Variants in AFF1 observed in about 807,000 individuals in gnomAD.
AFF1 encodes AF4/FMR2 family member 1.
Under a neutral mutation model 121.7 loss-of-function variants are expected in AFF1, and 48 were observed. The observed-to-expected ratio is 0.39, with a 90% CI of 0.31 to 0.50. The LOEUF (loss-of-function observed/expected upper bound fraction) is 0.50. Among genes scored for constraint, AFF1 ranks in the 20% least tolerant of loss-of-function variants. The pLI, the probability that AFF1 is intolerant of heterozygous loss-of-function variation, is 0.76. For synonymous variants in AFF1, 613 were observed against 563.0 expected (o/e 1.09, Z -1.26); for missense variants, 1,523 against 1,511.7 (o/e 1.01, Z -0.12).
intron 2 of AFF1, among the ~76,000 whole-genome samples, chr4:86,991,341 A>T (rs1724691010): frequency 6.6e-6 from 1 of 151,940 alleles, no homozygotes; most frequent in South Asian, 2.1e-4. Context: ...GCTACTCGGG[A>T]GGCTGAGGCA....
At chr4:87,007,103 G>GCCGGGGGCGCTCGCTTGCC in intron 2 of AFF1, 1 of 1,257,608 alleles carries the variant, frequency 8.0e-7, no homozygotes, top group Non-Finnish European at 1.0e-6. Context: ...CAGAAACTGC[G>GCCGGGGGCGCTCGCTTGCC]CCGGGGGCGC....
At chr4:87,035,653 A>G (rs113422208) in intron 2 of AFF1, among the ~76,000 whole-genome samples, 1 of 152,244 alleles carries the variant, frequency 6.6e-6, no homozygotes, top group South Asian at 2.1e-4. Flanking sequence ...GATCAGGTTT[A>G]TGATTTTTAG....
intron 13 of AFF1, 89 bp from the exon 14 acceptor site, chr4:87,126,010 T>C (rs558626532): frequency 2.3e-6 from 3 of 1,314,812 alleles, no homozygotes; most frequent in South Asian, 1.3e-5. Context: ...CCCTACTCTT[T>C]TGTGCCAGCA....
intron 2 of AFF1, among the ~76,000 whole-genome samples, chr4:87,018,730 A>G (rs1727596082): frequency 1.3e-5 from 2 of 152,238 alleles, no homozygotes; most frequent in Admixed American, 1.3e-4. Flanking sequence ...TTTTTAATTT[A>G]TTTTAATAAA....
intron 5 of AFF1, among the ~76,000 whole-genome samples, chr4:87,085,889 C>G (rs1000693053): frequency 2.0e-5 from 3 of 152,044 alleles, no homozygotes; most frequent in Admixed American, 6.6e-5. Flanking sequence ...CAGGTGTGCG[C>G]CAGTACGCCC....
At chr4:87,111,748 T>C (rs1726560777) in intron 11 of AFF1, among the ~76,000 whole-genome samples, 1 of 152,216 alleles carries the variant, frequency 6.6e-6, no homozygotes, top group Non-Finnish European at 1.5e-5. Flanking sequence ...CAACTTAATA[T>C]TGGGTATACA....
intron 2 of AFF1, among the ~76,000 whole-genome samples, chr4:86,962,048 G>A (rs1722188429): frequency 6.6e-6 from 1 of 151,928 alleles, no homozygotes. Flanking sequence ...TTTTTAAAAT[G>A]TGTTCCTCAA....
intron 1 of AFF1, among the ~76,000 whole-genome samples, chr4:86,945,450 G>T (rs1164620905): frequency 7.1e-6 from 1 of 141,526 alleles, no homozygotes; most frequent in Non-Finnish European, 1.5e-5. Flanking sequence ...TTAGCCTTTT[G>T]AGTAGCTGGG....
Position 87,111,005 on chromosome 4 carries a change from T to TATTTTATTTTA in AFF1, c.1533+2690_1533+2691insATTTTATTTTA, listed in dbSNP as rs1560635323. The stretch of plus-strand genomic sequence containing the variant: ...TTTATCTACTTAAACTTTATTTTTT[T>TATTTTATTTTA]TTTTTTATTTTTTTTTTTTTGAGAC... On this transcript the variant is annotated intron_variant, in intron 11 of 20. Transcript: ENST00000395146. Among the ~76,000 whole-genome samples, 159 of 25,294 alleles carry TATTTTATTTTA rather than the reference T, an allele frequency of 6.3e-3. 36 individuals are homozygous for TATTTTATTTTA. The highest frequency in any genetic ancestry group is 0.021 in the African/African-American group (156 of 7,390). The allele number at this position is 25,294 out of a possible 152,430, so 16.6% of individuals were successfully genotyped here.
At chr4:87,117,543 A>C (rs1727250833) in intron 12 of AFF1, among the ~76,000 whole-genome samples, 1 of 152,208 alleles carries the variant, frequency 6.6e-6, no homozygotes, top group East Asian at 1.9e-4. Flanking sequence ...TCAGGGCTGG[A>C]AACCACTGAA....
intron 2 of AFF1, among the ~76,000 whole-genome samples, chr4:87,017,611 A>G (rs1421636793): frequency 6.6e-6 from 1 of 152,240 alleles, no homozygotes; most frequent in African/African-American, 2.4e-5. Flanking sequence ...TTTATTTTAT[A>G]ATTGCAAAAT....
At chr4:87,063,868 G>C (rs771927847) in intron 4 of AFF1, among the ~76,000 whole-genome samples, 2 of 152,204 alleles carry the variant, frequency 1.3e-5, no homozygotes, top group Non-Finnish European at 2.9e-5. Context: ...AGTCTGTATA[G>C]ATGTTACAGC....
rs368444200 is a variant in AFF1 at position 87,131,222 on chromosome 4, A to G, written c.3101+3A>G. ...TCAGAAACTGTAGATCTCATTAAGTAAGTGCCGAGTCATTGTGCTTTCCTC... is the reference window on the plus strand; with the variant it reads ...TCAGAAACTGTAGATCTCATTAAGTGAGTGCCGAGTCATTGTGCTTTCCTC... On this transcript the variant is annotated splice_donor_region_variant and intron_variant, in intron 17 of 20. Coordinates refer to ENST00000395146, the MANE Select transcript of AFF1 (RefSeq NM_001166693.3). 74 of 1,613,980 alleles carry G rather than the reference A, an allele frequency of 4.6e-5. 1 individual carries two copies. In the African/African-American group the frequency reaches 7.5e-4, roughly 16 times the overall value.
At position 87,072,914 on chromosome 4, in the gene AFF1, C is replaced by T. The variant is rs116736391; in HGVS notation, c.1060-11206C>T. 6.9e-3 allele frequency among the ~76,000 whole-genome samples: 1,055 copies of T among 152,058 alleles called. 13 individuals are homozygous for T. Among genetic ancestry groups the T allele is most frequent in the African/African-American group, 0.024 (1,000 of 41,460 alleles). On this transcript the variant is annotated intron_variant, in intron 4 of 20. Transcript: ENST00000395146. ...CAAACTTTTGTATTAAATATATTTT[C>T]GCTTTCACCAGATCAGTAAATCAGT...
intron 2 of AFF1, among the ~76,000 whole-genome samples, chr4:86,986,354 A>G (rs1216634503): frequency 1.3e-5 from 2 of 152,160 alleles, no homozygotes; most frequent in South Asian, 2.1e-4. Flanking sequence ...TACAGGCATG[A>G]GCCACCGTGC....
chr4:87,079,733 T>A (rs1169988714), intron 4 of AFF1, among the ~76,000 whole-genome samples: 1 of 152,226 alleles, frequency 6.6e-6, no homozygotes. Flanking sequence ...TAAAATTATT[T>A]TATTTGTAAA....
chr4:87,007,614 T>A (rs746506131), intron 2 of AFF1, among the ~76,000 whole-genome samples: 3 of 152,158 alleles, frequency 2.0e-5, no homozygotes, highest in Non-Finnish European at 4.4e-5. Flanking sequence ...GCTGGACAAT[T>A]TCTGCACAGC....
chr4:87,038,787 C>G (rs1465763283), intron 2 of AFF1, among the ~76,000 whole-genome samples: 1 of 152,158 alleles, frequency 6.6e-6, no homozygotes, highest in Admixed American at 6.5e-5. Flanking sequence ...TAGGATTTTC[C>G]CTTTCCTTCC....
chr4:86,994,795 A>G (rs1270120941), intron 2 of AFF1, among the ~76,000 whole-genome samples: 1 of 152,174 alleles, frequency 6.6e-6, no homozygotes, highest in Non-Finnish European at 1.5e-5. Context: ...TAATGAAGAG[A>G]AAATACTGTC....
Sources: allele counts gnomAD v4.1 joint callset (sites outside exome capture counted in the v4.1 genomes callset), GRCh38; gene constraint gnomAD v4.1.1; transcripts MANE v1.5; gene names NCBI Gene and HGNC (gene_info 2026-07-23, HGNC 2026-07-21).